Variants in ITCH observed in about 807,000 individuals in gnomAD.
ITCH encodes the protein itchy E3 ubiquitin protein ligase, also known as E3 ubiquitin-protein ligase Itchy homolog.
A neutral mutation model predicts 126.8 loss-of-function variants in ITCH; 28 were observed. That is an observed-to-expected ratio of 0.22 (90% confidence interval 0.16 to 0.30). The LOEUF is 0.30. Among genes scored for constraint, ITCH ranks in the 10% least tolerant of loss-of-function variants. The pLI, the probability that ITCH is intolerant of heterozygous loss-of-function variation, is 1.00. For synonymous variants in ITCH, 342 were observed against 340.0 expected (o/e 1.01, Z -0.06); for missense variants, 631 against 1,032.4 (o/e 0.61, Z 5.33).
chr20:34,400,746 C>A lies in ITCH; in HGVS notation c.70+6865C>A, dbSNP rs1359933722. Among the ~76,000 whole-genome samples, 4 of 150,374 alleles carry A rather than the reference C, an allele frequency of 2.7e-5. No individual in the cohort carries two copies. The East Asian group carries it at 7.8e-4, about 29-fold the overall frequency. On this transcript the variant is annotated intron_variant, in intron 3 of 24. Coordinates refer to ENST00000374864, the MANE Select transcript of ITCH (RefSeq NM_031483.7). ...CTGCAATCTCTGCCTACCATGCCCACCCCCTTACCTACTTATTTATTTATT... is the reference window on the plus strand; with the variant it reads ...CTGCAATCTCTGCCTACCATGCCCAACCCCTTACCTACTTATTTATTTATT...
At chr20:34,386,949 C>G (rs757162412) in intron 2 of ITCH, among the ~76,000 whole-genome samples, 1 of 152,034 alleles carries the variant, frequency 6.6e-6, no homozygotes, top group Non-Finnish European at 1.5e-5. Flanking sequence ...CACCTTCTTT[C>G]TATATTGGGC....
At chr20:34,391,163 C>CT (rs2038477259) in intron 2 of ITCH, among the ~76,000 whole-genome samples, 1 of 152,270 alleles carries the variant, frequency 6.6e-6, no homozygotes, top group Non-Finnish European at 1.5e-5. Context: ...TTTTTCTACT[C>CT]TGTTTTATGC....
intron 7 of ITCH, among the ~76,000 whole-genome samples, chr20:34,435,635 T>C (rs907900380): frequency 2.0e-5 from 3 of 152,186 alleles, no homozygotes; most frequent in African/African-American, 7.2e-5. Context: ...TTTACTCCAC[T>C]AAAATACACC....
rs76997113 is a variant in ITCH at position 34,494,097 on chromosome 20, C to T, written c.2416+1500C>T. On this transcript the variant is annotated intron_variant, in intron 23 of 24. Coordinates refer to ENST00000374864, the MANE Select transcript of ITCH (RefSeq NM_031483.7). ...TACAAAAATTAGCCGGGCGTGTTGA[C>T]GCACACTTGTAGCCCTGGCTACTGG... Among the ~76,000 whole-genome samples the T allele has an allele frequency of 8.3e-4, 126 of 152,244 alleles. No homozygotes were observed. The East Asian group carries it at 0.02, about 24-fold the overall frequency.
chr20:34,379,843 T>C (rs1396014342), intron 2 of ITCH, among the ~76,000 whole-genome samples: 1 of 150,680 alleles, frequency 6.6e-6, no homozygotes, highest in Non-Finnish European at 1.5e-5. Context: ...GTGATCTGCC[T>C]GCCTTGGCCT....
intron 3 of ITCH, among the ~76,000 whole-genome samples, chr20:34,394,424 A>G (rs1427420045): frequency 6.6e-6 from 1 of 152,030 alleles, no homozygotes; most frequent in Non-Finnish European, 1.5e-5. Context: ...TTGTATTAAC[A>G]GCTTTATTGA....
Position 34,481,305 on chromosome 20 carries a change from TG to T in ITCH, c.2093+100del. ...GGAGAGTATCTCCAAAAATAGTATT[TG>T]TCTCTGTACTAATCAATATCCTATG... On this transcript the variant is annotated intron_variant, in intron 20 of 24. Coordinates refer to ENST00000374864, the MANE Select transcript of ITCH (RefSeq NM_031483.7). 7 of 1,306,334 alleles carry T rather than the reference TG, an allele frequency of 5.4e-6. No homozygotes were observed. The South Asian group carries it at 8.4e-5, about 16-fold the overall frequency. The allele number at this position is 1,306,334 out of a possible 1,614,324, so 80.9% of individuals were successfully genotyped here. A position where few individuals can be genotyped will look rare whatever the true frequency, so the allele number is the denominator to read the frequency against.
Position 34,507,649 on chromosome 20 carries a change from T to C in ITCH, c.2490-46T>C, listed in dbSNP as rs751890429. On this transcript the variant is annotated intron_variant, in intron 24 of 24. Transcript: ENST00000374864. The stretch of plus-strand genomic sequence containing the variant: ...GTAGTATACTACACTACTCATTTGA[T>C]TCTTTGCATATTTCCTTTTCTCAAA... 2.1e-6 allele frequency: 3 copies of C among 1,439,186 alleles called. No homozygotes were observed. The Admixed American group carries it at 5.0e-5, about 24-fold the overall frequency. 89.2% of individuals were successfully genotyped at this position (1,439,186 alleles called of 1,614,324 possible).
chr20:34,471,376 C>T, intron 15 of ITCH, 68 bp from the exon 16 acceptor site: 1 of 868,598 alleles, frequency 1.2e-6, no homozygotes, highest in Non-Finnish European at 2.0e-6. Context: ...ATAAAACTTT[C>T]CCCTTTTGAT....
In ITCH at chr20:34,408,196, C is replaced by T. The variant is rs1244213421; in HGVS notation, c.71-455C>T. ...ACTCAAGCGATTCTCCTACCTCAGC[C>T]TCCCAGGTAGCTGGGACTGGCACAC... On this transcript the variant is annotated intron_variant, in intron 3 of 24. Coordinates refer to ENST00000374864, the MANE Select transcript of ITCH (RefSeq NM_031483.7). 8.4e-5 allele frequency among the ~76,000 whole-genome samples: 10 copies of T among 119,504 alleles called. No individual in the cohort carries two copies. In the East Asian group the frequency reaches 1.8e-3, roughly 22 times the overall value. The allele number at this position is 119,504 out of a possible 152,430, so 78.4% of individuals were successfully genotyped here. A position where few individuals can be genotyped will look rare whatever the true frequency, so the allele number is the denominator to read the frequency against.
At chr20:34,449,524 T>C in intron 12 of ITCH, 44 bp downstream of exon 12, 1 of 1,282,358 alleles carries the variant, frequency 7.8e-7, no homozygotes, top group Non-Finnish European at 1.1e-6. Context: ...CATTTCATTT[T>C]TGTTCTCTTC....
intron 24 of ITCH, among the ~76,000 whole-genome samples, chr20:34,507,170 T>C (rs769057894): frequency 1.2e-4 from 18 of 152,000 alleles, no homozygotes; most frequent in Non-Finnish European, 2.6e-4. Flanking sequence ...CTGTTTTCCA[T>C]AGTGACTACA....
At chr20:34,402,362 C>G in intron 3 of ITCH, 1 of 849,220 alleles carries the variant, frequency 1.2e-6, no homozygotes, top group Non-Finnish European at 2.1e-6. Flanking sequence ...GAGGGGTCAT[C>G]TTTGAGATCA....
At chr20:34,409,893 G>A (rs1421189868) in intron 4 of ITCH, among the ~76,000 whole-genome samples, 1 of 151,960 alleles carries the variant, frequency 6.6e-6, no homozygotes, top group Non-Finnish European at 1.5e-5. Context: ...AGCCAGGTGT[G>A]GTGGCTCACA....
intron 7 of ITCH, among the ~76,000 whole-genome samples, chr20:34,434,937 T>G (rs1452110049): frequency 6.6e-6 from 1 of 152,214 alleles, no homozygotes; most frequent in Non-Finnish European, 1.5e-5. Context: ...ATACATAGAC[T>G]GAAGCACAAT....
At chr20:34,489,762 A>AAG in intron 21 of ITCH, 60 bp from the exon 22 acceptor site, 1 of 1,098,302 alleles carries the variant, frequency 9.1e-7, no homozygotes, top group Non-Finnish European at 1.4e-6. Context: ...AGTCTTTCCT[A>AAG]TGTCCAGCTG....
intron 15 of ITCH, among the ~76,000 whole-genome samples, chr20:34,470,383 GA>G (rs1227140377): frequency 6.6e-6 from 1 of 151,462 alleles, no homozygotes; most frequent in Non-Finnish European, 1.5e-5. Context: ...AGGAGTTCAG[GA>G]CCAGTCTGGG....
intron 10 of ITCH, among the ~76,000 whole-genome samples, chr20:34,443,618 C>A (rs1169427959): frequency 1.3e-5 from 2 of 151,994 alleles, no homozygotes; most frequent in Admixed American, 6.6e-5. Flanking sequence ...AGGAAATATA[C>A]CCTGAAAAGG....
At chr20:34,412,307 C>T (rs1206241999) in intron 4 of ITCH, among the ~76,000 whole-genome samples, 1 of 152,128 alleles carries the variant, frequency 6.6e-6, no homozygotes, top group African/African-American at 2.4e-5. Flanking sequence ...TTCTGTAGTT[C>T]AACTGCAAGT....
Sources: gnomAD v4.1 joint callset for allele counts (sites outside exome capture counted in the v4.1 genomes callset) on GRCh38, gnomAD v4.1.1 for gene constraint, MANE v1.5 for transcripts, NCBI Gene and HGNC (gene_info 2026-07-23, HGNC 2026-07-21) for gene names.